EML6: variants seen among roughly 807,000 people sequenced by gnomAD.
The protein encoded by EML6 is echinoderm microtubule-associated protein-like 6.
Under a neutral mutation model 240.1 loss-of-function variants are expected in EML6, and 154 were observed. The ratio of observed to expected loss-of-function variants is 0.64; its 90% CI spans 0.56 to 0.73. The LOEUF is 0.73. Ranked by LOEUF, EML6 falls within the 30% of genes least tolerant of loss-of-function variation. The probability of loss-of-function intolerance (pLI) is 0.00; values close to 1 mark genes in which losing one functional copy is unlikely to be tolerated. For synonymous variants in EML6, 1,148 were observed against 899.0 expected (o/e 1.28, Z -4.95); for missense variants, 2,964 against 2,474.6 (o/e 1.20, Z -4.20).
chr2:54,937,154 T>C (rs189337586), intron 28 of EML6, among the ~76,000 whole-genome samples: 1 of 151,838 alleles, frequency 6.6e-6, no homozygotes, highest in African/African-American at 2.4e-5. Flanking sequence ...TGCACATGCC[T>C]GTAATCCCAG....
intron 2 of EML6, among the ~76,000 whole-genome samples, chr2:54,806,764 T>G (rs1005526604): frequency 6.6e-6 from 1 of 152,104 alleles, no homozygotes; most frequent in Non-Finnish European, 1.5e-5. Flanking sequence ...TAATCACTGC[T>G]TTAGGATTTA....
At chr2:54,768,518 A>G (rs558493769) in intron 2 of EML6, among the ~76,000 whole-genome samples, 40 of 152,320 alleles carry the variant, frequency 2.6e-4, no homozygotes, top group Non-Finnish European at 4.1e-4. Context: ...TTTACATTCA[A>G]TGGATTATAT....
At chr2:54,923,570 A>C (rs932369498) in intron 26 of EML6, among the ~76,000 whole-genome samples, 1 of 152,226 alleles carries the variant, frequency 6.6e-6, no homozygotes, top group African/African-American at 2.4e-5. Flanking sequence ...ACATCAAGAT[A>C]CTTACCCCTA....
chr2:54,897,221 C>G (rs1452342590), intron 21 of EML6, among the ~76,000 whole-genome samples: 1 of 152,126 alleles, frequency 6.6e-6, no homozygotes, highest in East Asian at 1.9e-4. Flanking sequence ...TTTGTTTTCT[C>G]TCTTATTTTG....
At chr2:54,900,553 G>C (rs917968793) in intron 22 of EML6, among the ~76,000 whole-genome samples, 2 of 152,188 alleles carry the variant, frequency 1.3e-5, no homozygotes, top group Non-Finnish European at 2.9e-5. Flanking sequence ...TTGAATATGA[G>C]AGCCACATGA....
At chr2:54,890,854 G>C (rs1672429320) in intron 17 of EML6, among the ~76,000 whole-genome samples, 200 bp from the exon 18 acceptor site, 2 of 152,148 alleles carry the variant, frequency 1.3e-5, no homozygotes, top group South Asian at 4.1e-4. Flanking sequence ...GCAATATTAG[G>C]ATAAGAAGAA....
At chr2:54,930,735 G>T (rs1674810278) in intron 28 of EML6, among the ~76,000 whole-genome samples, 1 of 152,122 alleles carries the variant, frequency 6.6e-6, no homozygotes, top group Non-Finnish European at 1.5e-5. Flanking sequence ...TTCCCAGAAG[G>T]AGCTGGAACT....
chr2:54,828,102 T>C (rs1309666609), intron 6 of EML6, among the ~76,000 whole-genome samples: 1 of 152,202 alleles, frequency 6.6e-6, no homozygotes, highest in Non-Finnish European at 1.5e-5. Flanking sequence ...TCTGGCTCCA[T>C]AGGTCTGCGA....
intron 26 of EML6, among the ~76,000 whole-genome samples, chr2:54,917,450 T>C (rs1309796431): frequency 6.6e-6 from 1 of 150,388 alleles, no homozygotes; most frequent in East Asian, 2.0e-4. Context: ...CCGCAACTTC[T>C]GCCTCCCAGG....
At chr2:54,897,290 C>G (rs1330191887) in intron 21 of EML6, among the ~76,000 whole-genome samples, 1 of 152,162 alleles carries the variant, frequency 6.6e-6, no homozygotes, top group Non-Finnish European at 1.5e-5. Flanking sequence ...CTTTTCACTT[C>G]TTAATTCTCT....
At chr2:54,925,844 C>T (rs78443085) in intron 26 of EML6, among the ~76,000 whole-genome samples, 1 of 152,174 alleles carries the variant, frequency 6.6e-6, no homozygotes, top group African/African-American at 2.4e-5. Flanking sequence ...CGAACCTAGA[C>T]CCTTTTGCTA....
In EML6 at chr2:54,971,675, G is replaced by A. The variant is rs141642545; in HGVS notation, c.*1580G>A. Reference sequence around the variant, plus strand: ...AGAGTCCCTATGCAGTCCCAATTCTGTTTTCTGTAACCATGTGACTGGTGA... The same window carrying A: ...AGAGTCCCTATGCAGTCCCAATTCTATTTTCTGTAACCATGTGACTGGTGA... On this transcript the variant is annotated 3_prime_UTR_variant, in exon 42 of 42. Coordinates refer to ENST00000356458, the MANE Select transcript of EML6 (RefSeq NM_001039753.4). The A allele has an allele frequency of 8.6e-4, 131 of 152,262 alleles. No individual in the cohort carries two copies. The highest frequency in any genetic ancestry group is 3.4e-3 in the Middle Eastern group (1 of 294). 9.4% of individuals were successfully genotyped at this position (152,262 alleles called of 1,614,324 possible).
intron 3 of EML6, among the ~76,000 whole-genome samples, chr2:54,816,227 T>C (rs1308521743): frequency 6.6e-6 from 1 of 152,202 alleles, no homozygotes; most frequent in Non-Finnish European, 1.5e-5. Flanking sequence ...TAAGGACAGG[T>C]TCTGACCTGA....
At chr2:54,821,012 A>G (rs1668309691) in intron 5 of EML6, among the ~76,000 whole-genome samples, 1 of 152,164 alleles carries the variant, frequency 6.6e-6, no homozygotes, top group Non-Finnish European at 1.5e-5. Context: ...TTCACAAGTA[A>G]CAAAATTAAC....
intron 16 of EML6, among the ~76,000 whole-genome samples, chr2:54,874,333 G>T (rs1370295454): frequency 1.3e-5 from 2 of 152,202 alleles, no homozygotes; most frequent in Non-Finnish European, 2.9e-5. Context: ...CCTGGGTAGA[G>T]AAATCAGATA....
intron 41 of EML6, 89 bp from the exon 42 acceptor site, chr2:54,969,982 T>C (rs1676918878): frequency 7.1e-7 from 1 of 1,415,908 alleles, no homozygotes; most frequent in Non-Finnish European, 9.8e-7. Flanking sequence ...CGAGCTTGAC[T>C]TTTGAGCACT....
chr2:54,867,598 T>A (rs1671039541), intron 14 of EML6: 1 of 152,148 alleles, frequency 6.6e-6, no homozygotes, highest in African/African-American at 2.4e-5. Context: ...TACAAAAAAC[T>A]AGCCAGATGT....
chr2:54,942,384 C>G (rs1240112482), intron 28 of EML6, among the ~76,000 whole-genome samples: 1 of 152,164 alleles, frequency 6.6e-6, no homozygotes, highest in Non-Finnish European at 1.5e-5. Context: ...AAGACTGTGG[C>G]AGAGTTGGGT....
At chr2:54,841,862 G>C (rs1013312016) in intron 7 of EML6, among the ~76,000 whole-genome samples, 13 of 151,922 alleles carry the variant, frequency 8.6e-5, no homozygotes, top group African/African-American at 3.1e-4. Context: ...CAAAGTGTTG[G>C]GATTACAGGC....
Sources: allele counts gnomAD v4.1 joint callset (sites outside exome capture counted in the v4.1 genomes callset), GRCh38; gene constraint gnomAD v4.1.1; transcripts MANE v1.5; gene names NCBI Gene and HGNC (gene_info 2026-07-23, HGNC 2026-07-21).